The following RANBP2 variants were observed in gnomAD, a reference collection of about 807,000 sequenced individuals.
The protein encoded by RANBP2 is E3 SUMO-protein ligase RanBP2.
Under a neutral mutation model 303.6 loss-of-function variants are expected in RANBP2, and 57 were observed. That is an observed-to-expected ratio of 0.19 (90% CI 0.15 to 0.23). RANBP2 has a LOEUF of 0.23. Among genes scored for constraint, RANBP2 ranks in the 10% least tolerant of loss-of-function variants. RANBP2 has a pLI of 1.00. For missense variants in RANBP2, 3,138 were observed against 3,780.8 expected, an observed-to-expected ratio of 0.83 and a Z score of 4.46; for synonymous variants, 1,167 against 1,301.5, an observed-to-expected ratio of 0.90 and a Z score of 2.23.
the RANBP2 span, among the ~76,000 whole-genome samples, chr2:109,400,527 GCAGATACACA>G: frequency 6.6e-6 from 1 of 151,136 alleles, no homozygotes; most frequent in South Asian, 2.1e-4. Flanking sequence ...GTGCACACCT[GCAGATACACA>G]TGCACACACA....
At chr2:108,998,303 G>C in the RANBP2 span, among the ~76,000 whole-genome samples, 1 of 152,086 alleles carries the variant, frequency 6.6e-6, no homozygotes, top group Non-Finnish European at 1.5e-5. Context: ...TGTTTCCAGG[G>C]TCCCACTGCT....
chr2:109,063,410 G>T, the RANBP2 span, among the ~76,000 whole-genome samples: 2 of 152,250 alleles, frequency 1.3e-5, no homozygotes, highest in Non-Finnish European at 1.5e-5. Context: ...CATCAGCAGC[G>T]CCTGGCTTTG....
At chr2:109,502,071 G>A in the RANBP2 span, 21 of 191,474 alleles carry the variant, frequency 1.1e-4, no homozygotes, top group Admixed American at 3.2e-4. Flanking sequence ...GGCCAGGAGC[G>A]CTGGAGATCA....
the RANBP2 span, among the ~76,000 whole-genome samples, chr2:108,985,679 A>G: frequency 6.6e-6 from 1 of 152,114 alleles, no homozygotes; most frequent in African/African-American, 2.4e-5. Flanking sequence ...TGTGTTTGCC[A>G]CCCTTGGGCA....
chr2:109,229,702 T>C, the RANBP2 span, among the ~76,000 whole-genome samples: 1 of 152,168 alleles, frequency 6.6e-6, no homozygotes, highest in Non-Finnish European at 1.5e-5. Flanking sequence ...TGACTACATC[T>C]AGGTACCTCG....
intron 6 of RANBP2, among the ~76,000 whole-genome samples, chr2:108,739,117 G>C (rs1204284839): frequency 6.6e-6 from 1 of 151,890 alleles, no homozygotes; most frequent in Admixed American, 6.6e-5. Flanking sequence ...AGAAAACTCA[G>C]CTCAGCGGGG....
the RANBP2 span, among the ~76,000 whole-genome samples, chr2:109,674,532 A>G: frequency 6.6e-6 from 1 of 151,934 alleles, no homozygotes; most frequent in Middle Eastern, 3.2e-3. Flanking sequence ...GTAGTGAGCT[A>G]TGATTGCACT....
At chr2:109,614,512 G>A in the RANBP2 span, 1 of 1,260,170 alleles carries the variant, frequency 7.9e-7, no homozygotes, top group Non-Finnish European at 9.9e-7. Flanking sequence ...GCAGAGTGGG[G>A]CCCCGAGGCG....
At chr2:109,318,256 C>T in the RANBP2 span, among the ~76,000 whole-genome samples, 2 of 152,022 alleles carry the variant, frequency 1.3e-5, no homozygotes, top group Non-Finnish European at 2.9e-5. Context: ...GAAATTTGAG[C>T]GCAGCCCCAG....
chr2:109,625,029 G>A, the RANBP2 span, among the ~76,000 whole-genome samples: 7 of 148,458 alleles, frequency 4.7e-5, no homozygotes, highest in Non-Finnish European at 7.4e-5. Flanking sequence ...TTTAGTGAGT[G>A]GAGATGGCAC....
At chr2:109,464,273 T>C in the RANBP2 span, among the ~76,000 whole-genome samples, 1 of 152,126 alleles carries the variant, frequency 6.6e-6, no homozygotes, top group African/African-American at 2.4e-5. Context: ...CACACACAAA[T>C]ATACACACAT....
the RANBP2 span, among the ~76,000 whole-genome samples, chr2:109,150,970 G>A: frequency 2.0e-5 from 3 of 152,206 alleles, no homozygotes; most frequent in Non-Finnish European, 2.9e-5. Flanking sequence ...GGGAAGTCAG[G>A]TGGTACCTTT....
chr2:108,861,135 A>AT, the RANBP2 span, among the ~76,000 whole-genome samples: 10 of 149,334 alleles, frequency 6.7e-5, no homozygotes, highest in South Asian at 8.5e-4. Flanking sequence ...GTCTCTGAGG[A>AT]TTTTTTTTTA....
At chr2:108,838,698 A>C in the RANBP2 span, among the ~76,000 whole-genome samples, 1 of 152,172 alleles carries the variant, frequency 6.6e-6, no homozygotes, top group African/African-American at 2.4e-5. Flanking sequence ...ATAAACAAGT[A>C]AATAGTACTC....
At chr2:108,856,060 G>T in the RANBP2 span, among the ~76,000 whole-genome samples, 1 of 152,206 alleles carries the variant, frequency 6.6e-6, no homozygotes, top group Non-Finnish European at 1.5e-5. Context: ...GTTGTGTAGT[G>T]TACTGAAGTG....
At chr2:109,577,613 G>A in the RANBP2 span, among the ~76,000 whole-genome samples, 5 of 144,284 alleles carry the variant, frequency 3.5e-5, no homozygotes, top group Admixed American at 2.1e-4. Context: ...AAAAAAAAAA[G>A]AAAAAGAAAG....
At chr2:109,173,139 AT>A in the RANBP2 span, among the ~76,000 whole-genome samples, 3 of 152,244 alleles carry the variant, frequency 2.0e-5, no homozygotes, top group South Asian at 6.2e-4. Context: ...AATTTTAAAA[AT>A]TTGTAACTTC....
At chr2:108,827,266 C>G in the RANBP2 span, among the ~76,000 whole-genome samples, 1 of 151,994 alleles carries the variant, frequency 6.6e-6, no homozygotes, top group East Asian at 1.9e-4. Context: ...AGTAAAGTAT[C>G]CAGTTGCTAA....
the RANBP2 span, among the ~76,000 whole-genome samples, chr2:109,401,862 A>G: frequency 6.6e-6 from 1 of 152,216 alleles, no homozygotes; most frequent in East Asian, 1.9e-4. Flanking sequence ...AGATGTTTCT[A>G]TTAATTTGCA....
Sources: gnomAD v4.1 joint callset for allele counts (sites outside exome capture counted in the v4.1 genomes callset) on GRCh38, gnomAD v4.1.1 for gene constraint, MANE v1.5 for transcripts, NCBI Gene and HGNC (gene_info 2026-07-23, HGNC 2026-07-21) for gene names.